PRAMEF27: variants seen among roughly 807,000 people sequenced by gnomAD.
PRAMEF27 encodes PRAME family member 27.
Under a neutral mutation model 21.0 loss-of-function variants are expected in PRAMEF27, and 5 were observed. That is an observed-to-expected ratio of 0.24 (90% CI 0.12 to 0.50). The LOEUF is 0.50. PRAMEF27 is among the 20% of genes least tolerant of loss of function. The probability of loss-of-function intolerance (pLI) is 0.98; values close to 1 mark genes in which losing one functional copy is unlikely to be tolerated. For synonymous variants in PRAMEF27, 61 were observed against 211.2 expected, an observed-to-expected ratio of 0.29 and a Z score of 6.17; for missense variants, 138 against 541.4, an observed-to-expected ratio of 0.25 and a Z score of 7.39.
chr1:13,053,931 G>T, intron 1 of PRAMEF27: 1 of 500,082 alleles, frequency 2.0e-6, no homozygotes, highest in Non-Finnish European at 3.2e-6. Flanking sequence ...CCAGTGACTA[G>T]TGAGTGTGGA....
In PRAMEF27 at chr1:13,049,894, T is replaced by C. The variant is rs1391601826; in HGVS notation, c.1351A>G (p.Lys451Glu). ...MNRVRDLRHP[K>E]RIFFCIDNCP... ...TTATCAATACAGAAAAAGATCCTCT[T>C]GGGGTGCCTTAAGTCCCTCACTCTG... Residue 451 changes from lysine (K) to glutamate (E), a missense_variant, in exon 4 of 4, where the codon AAG becomes GAG. Coordinates refer to ENST00000436041, the MANE Select transcript of PRAMEF27 (RefSeq NM_001300891.2). 1 of 1,418,400 alleles carries C rather than the reference T, an allele frequency of 7.1e-7. No individual in the cohort carries two copies. 87.9% of individuals were successfully genotyped at this position (1,418,400 alleles called of 1,614,324 possible).
At chr1:13,050,540 G>C in intron 3 of PRAMEF27, 171 bp from the exon 4 acceptor site, 1 of 1,035,118 alleles carries the variant, frequency 9.7e-7, no homozygotes, top group Non-Finnish European at 1.3e-6. Context: ...CTTTGCCACC[G>C]AGGTCAATTC....
chr1:13,055,992 G>T (rs1290771350), intron 1 of PRAMEF27: 1 of 121,416 alleles, frequency 8.2e-6, no homozygotes, highest in African/African-American at 5.2e-5. Context: ...GGAGTTAAAG[G>T]TTGCAGGGAG....
chr1:13,053,874 A>G lies in PRAMEF27; in HGVS notation c.-16-199T>C. 2 of 762,076 alleles carry G rather than the reference A, an allele frequency of 2.6e-6. 1 individual carries two copies. The allele number at this position is 762,076 out of a possible 1,614,324, so 47.2% of individuals were successfully genotyped here. A position where few individuals can be genotyped will look rare whatever the true frequency, so the allele number is the denominator to read the frequency against. On this transcript the variant is annotated intron_variant, in intron 1 of 3. Transcript: ENST00000436041. ...CAGCATGAGCGTCTCCGAAGCAGTG[A>G]GGAAGCAGGGTCACCACGAGCCCTT... is the stretch of plus-strand genomic sequence containing the variant.
In PRAMEF27 at chr1:13,053,366, C is replaced by A; in HGVS notation, c.293+1G>T. Reference sequence around the variant, plus strand: ...CCACCAGCCCACCTGGGCCACCTCACCTGGGACAAACCCCTTGGGTAAGCA... The same window carrying A: ...CCACCAGCCCACCTGGGCCACCTCAACTGGGACAAACCCCTTGGGTAAGCA... On this transcript the variant is annotated splice_donor_variant, in intron 2 of 3. Transcript: ENST00000436041. LOFTEE classifies it high-confidence loss of function. 6.7e-7 allele frequency: 1 copy of A among 1,484,618 alleles called. No individual in the cohort carries two copies. The highest frequency in any genetic ancestry group is 2.4e-5 in the East Asian group (1 of 41,212). The allele number at this position is 1,484,618 out of a possible 1,614,324, so 92.0% of individuals were successfully genotyped here.
chr1:13,055,606 A>T (rs1277770265), intron 1 of PRAMEF27: 1 of 150,634 alleles, frequency 6.6e-6, no homozygotes, highest in Non-Finnish European at 1.5e-5. Flanking sequence ...GTTTAAAATT[A>T]AGGTCAAAGA....
intron 3 of PRAMEF27, chr1:13,051,118 C>T (rs1642198838): frequency 6.5e-6 from 1 of 152,992 alleles, no homozygotes; most frequent in Non-Finnish European, 1.4e-5. Context: ...ATTCTTTGTG[C>T]CTGCTCCCTG....
Position 13,053,810 on chromosome 1 carries a change from C to G in PRAMEF27, c.-16-135G>C. On this transcript the variant is annotated intron_variant, in intron 1 of 3. Coordinates refer to ENST00000436041, the MANE Select transcript of PRAMEF27 (RefSeq NM_001300891.2). ...CAGTTTACTCCAATTCTGCCCTGTA[C>G]TCAGTGGCCATTAAGCCAGCATTGT... 4 of 1,207,300 alleles carry G rather than the reference C, an allele frequency of 3.3e-6. 2 individuals are homozygous for G. In the South Asian group the frequency reaches 6.9e-5, roughly 21 times the overall value. The allele number at this position is 1,207,300 out of a possible 1,614,324, so 74.8% of individuals were successfully genotyped here.
Position 13,053,490 on chromosome 1 carries a change from A to G in PRAMEF27, c.170T>C (p.Met57Thr). The change falls in exon 2 of 4, where the codon ATG (methionine) becomes ACG (threonine). Residue 57 changes from methionine (M) to threonine (T), a missense_variant. Met to Thr is a moderately conservative substitution (Grantham distance 81, BLOSUM62 -1). Transcript: ENST00000436041. ...SRRCCEALKLMVQAWPFRRLP... is the reference protein window; with the variant it reads ...SRRCCEALKLTVQAWPFRRLP... Reference sequence around the variant, plus strand: ...GCGGCGGAAGGGCCAGGCCTGCACCATCAGCTTCAGGGCCTCACAGCATCT... The same window carrying G: ...GCGGCGGAAGGGCCAGGCCTGCACCGTCAGCTTCAGGGCCTCACAGCATCT... 2 of 1,485,146 alleles carry G rather than the reference A, an allele frequency of 1.3e-6. No individual in the cohort carries two copies. Among genetic ancestry groups the G allele is most frequent in the Non-Finnish European group, 1.8e-6 (2 of 1,122,760 alleles). 92.0% of individuals were successfully genotyped at this position (1,485,146 alleles called of 1,614,324 possible).
chr1:13,050,493 C>T lies in PRAMEF27; in HGVS notation c.876-124G>A, dbSNP rs1394836047. On this transcript the variant is annotated intron_variant, in intron 3 of 3. Coordinates refer to ENST00000436041, the MANE Select transcript of PRAMEF27 (RefSeq NM_001300891.2). ...CCAAGTCCAGGGTCATTCTGATGGC[C>T]TGATGGTCAACACTTAGAATGATGT... 73 of 1,294,020 alleles carry T rather than the reference C, an allele frequency of 5.6e-5. 7 individuals are homozygous for T. The highest frequency in any genetic ancestry group is 7.2e-5 in the Non-Finnish European group (69 of 957,244). The allele number at this position is 1,294,020 out of a possible 1,614,324, so 80.2% of individuals were successfully genotyped here. A position where few individuals can be genotyped will look rare whatever the true frequency, so the allele number is the denominator to read the frequency against.
At position 13,052,519 on chromosome 1, in the gene PRAMEF27, C is replaced by T; in HGVS notation, c.474G>A (p.Lys158=). 1 of 915,612 alleles carries T rather than the reference C, an allele frequency of 1.1e-6. No individual in the cohort carries two copies. The highest frequency in any genetic ancestry group is 1.5e-6 in the Non-Finnish European group (1 of 670,118). The allele number at this position is 915,612 out of a possible 1,614,324, so 56.7% of individuals were successfully genotyped here. The stretch of plus-strand genomic sequence containing the variant: ...TGAGGTATTCATCCAGAGTCCTGTT[C>T]TTGAGCCAAAGTTCTACGAACACAG... ...PLTVFVELWL[K]NRTLDEYLTY... Residue 158 remains lysine, a synonymous_variant, in exon 3 of 4, where the codon AAG becomes AAA. Coordinates refer to ENST00000436041, the MANE Select transcript of PRAMEF27 (RefSeq NM_001300891.2).
At chr1:13,055,775 T>G (rs1642240416) in intron 1 of PRAMEF27, 1 of 139,222 alleles carries the variant, frequency 7.2e-6, no homozygotes, top group Admixed American at 7.0e-5. Flanking sequence ...GGACTACAGA[T>G]GCATGGTGAC....
In PRAMEF27 at chr1:13,053,385, G is replaced by A; in HGVS notation, c.275C>T (p.Thr92Ile). The A allele has an allele frequency of 1.3e-6, 2 of 1,486,338 alleles. No homozygotes were observed. The highest frequency in any genetic ancestry group is 1.8e-6 in the Non-Finnish European group (2 of 1,124,668). 92.1% of individuals were successfully genotyped at this position (1,486,338 alleles called of 1,614,324 possible). The change falls in exon 2 of 4, where the codon ACC becomes ATC. Residue 92 changes from threonine (T) to isoleucine (I), a missense_variant. Physicochemically the swap from Thr to Ile is moderately conservative, Grantham distance 89. Coordinates refer to ENST00000436041, the MANE Select transcript of PRAMEF27 (RefSeq NM_001300891.2). ...AVLDGLDALLTQGVCPRRWKL... is the reference protein window; with the variant it reads ...AVLDGLDALLIQGVCPRRWKL... ...ACCTCACCTGGGACAAACCCCTTGGGTAAGCAGTGCATCAAGCCCATCGAG... is the reference window on the plus strand; with the variant it reads ...ACCTCACCTGGGACAAACCCCTTGGATAAGCAGTGCATCAAGCCCATCGAG...
Position 13,049,866 on chromosome 1 carries a change from C to A in PRAMEF27, c.1379G>T (p.Cys460Phe). Reference protein sequence around the residue: ...PKRIFFCIDNCPDCGNRSFYD... With the variant: ...PKRIFFCIDNFPDCGNRSFYD... ...AAATGACCTGTTGCCACAGTCAGGGCAGTTATCAATACAGAAAAAGATCCT... is the reference window on the plus strand; with the variant it reads ...AAATGACCTGTTGCCACAGTCAGGGAAGTTATCAATACAGAAAAAGATCCT... Residue 460 changes from cysteine to phenylalanine, a missense_variant, in exon 4 of 4, where the codon TGC (cysteine) becomes TTC (phenylalanine). Physicochemically the swap from Cys to Phe is radical, Grantham distance 205. Transcript: ENST00000436041. 12 of 1,415,702 alleles carry A rather than the reference C, an allele frequency of 8.5e-6. 2 individuals carry two copies. The highest frequency in any genetic ancestry group is 2.2e-4 in the Middle Eastern group (1 of 4,530). The allele number at this position is 1,415,702 out of a possible 1,614,324, so 87.7% of individuals were successfully genotyped here.
chr1:13,049,959 C>T lies in PRAMEF27; in HGVS notation c.1286G>A (p.Cys429Tyr). The T allele has an allele frequency of 2.1e-6, 3 of 1,420,668 alleles. 1 individual carries two copies. Among genetic ancestry groups the T allele is most frequent in the Non-Finnish European group, 2.8e-6 (3 of 1,082,466 alleles). The allele number at this position is 1,420,668 out of a possible 1,614,324, so 88.0% of individuals were successfully genotyped here. The change falls in exon 4 of 4, where the codon TGC becomes TAC. Residue 429 changes from cysteine (C) to tyrosine (Y), a missense_variant. Transcript: ENST00000436041. ...RESYGADGTL[C>Y]WNRFAQIRAE... Reference sequence around the variant, plus strand: ...CCTAATTTGAGCAAATCTGTTCCAGCAGAGAGTACCATCAGCACCATAACT... The same window carrying T: ...CCTAATTTGAGCAAATCTGTTCCAGTAGAGAGTACCATCAGCACCATAACT...
rs1642248440 is a variant in PRAMEF27 at position 13,056,513 on chromosome 1, G to A, written c.-116C>T. On this transcript the variant is annotated 5_prime_UTR_variant, in exon 1 of 4. Coordinates refer to ENST00000436041, the MANE Select transcript of PRAMEF27 (RefSeq NM_001300891.2). ...GGGTCTCTCCTGTGGGTCTTTAGAA[G>A]CTTTTATTGACCTTTCTAATCACAA... 1 of 127,420 alleles carries A rather than the reference G, an allele frequency of 7.8e-6. No homozygotes were observed. The highest frequency in any genetic ancestry group is 7.2e-5 in the Admixed American group (1 of 13,976). 7.9% of individuals were successfully genotyped at this position (127,420 alleles called of 1,614,324 possible). A position where few individuals can be genotyped will look rare whatever the true frequency, so the allele number is the denominator to read the frequency against.
chr1:13,049,900 G>A lies in PRAMEF27; in HGVS notation c.1345C>T (p.His449Tyr). Residue 449 changes from histidine (H) to tyrosine (Y), a missense_variant, in exon 4 of 4, where the codon CAC becomes TAC. Transcript: ENST00000436041. Reference sequence around the variant, plus strand: ...ATACAGAAAAAGATCCTCTTGGGGTGCCTTAAGTCCCTCACTCTGTTCATC... The same window carrying A: ...ATACAGAAAAAGATCCTCTTGGGGTACCTTAAGTCCCTCACTCTGTTCATC... ...ELMNRVRDLR[H>Y]PKRIFFCIDN... is the part of the protein sequence containing the mutation. 1 of 1,418,808 alleles carries A rather than the reference G, an allele frequency of 7.0e-7. No homozygotes were observed. Among genetic ancestry groups the A allele is most frequent in the Non-Finnish European group, 9.2e-7 (1 of 1,081,352 alleles). 87.9% of individuals were successfully genotyped at this position (1,418,808 alleles called of 1,614,324 possible).
chr1:13,051,866 A>AC, intron 3 of PRAMEF27: 1 of 528,294 alleles, frequency 1.9e-6, no homozygotes, highest in Non-Finnish European at 3.2e-6. Context: ...CTAGATCTGA[A>AC]CCCCCCAGTA....
rs1394611558 is a variant in PRAMEF27, at chr1:13,049,883, A to C, written c.1362T>G (p.Phe454Leu). Residue 454 changes from phenylalanine (F) to leucine (L), a missense_variant, in exon 4 of 4, where the codon TTT becomes TTG. Coordinates refer to ENST00000436041, the MANE Select transcript of PRAMEF27 (RefSeq NM_001300891.2). Reference protein sequence around the residue: ...VRDLRHPKRIFFCIDNCPDCG... With the variant: ...VRDLRHPKRILFCIDNCPDCG... ...AGTCAGGGCAGTTATCAATACAGAA[A>C]AAGATCCTCTTGGGGTGCCTTAAGT... The C allele has an allele frequency of 1.3e-4, 182 of 1,417,008 alleles. 46 individuals carry two copies. Among genetic ancestry groups the C allele is most frequent in the South Asian group, 7.3e-4 (53 of 72,324 alleles). The allele number at this position is 1,417,008 out of a possible 1,614,324, so 87.8% of individuals were successfully genotyped here. A position where few individuals can be genotyped will look rare whatever the true frequency, so the allele number is the denominator to read the frequency against.
Sources: gnomAD v4.1 joint callset for allele counts on GRCh38, gnomAD v4.1.1 for gene constraint, MANE v1.5 for transcripts, NCBI Gene and HGNC (gene_info 2026-07-23, HGNC 2026-07-21) for gene names.